Variants in NKX6-3 observed in about 807,000 individuals in gnomAD.
NKX6-3 encodes the protein NK6 homeobox 3, also known as homeobox protein Nkx-6.3.
A neutral mutation model predicts 22.0 loss-of-function variants in NKX6-3; 17 were observed. The ratio of observed to expected loss-of-function variants is 0.77; its 90% confidence interval spans 0.53 to 1.16. The LOEUF (loss-of-function observed/expected upper bound fraction) is 1.16. Ranked by LOEUF, NKX6-3 falls within the 50% of genes most tolerant of loss-of-function variation. NKX6-3 has a pLI of 0.00. For missense variants in NKX6-3, 363 were observed against 359.0 expected, an observed-to-expected ratio of 1.01 and a Z score of -0.09; for synonymous variants, 177 against 167.2, an observed-to-expected ratio of 1.06 and a Z score of -0.45.
chr8:41,647,437 T>G, intron 2 of NKX6-3: 15 of 1,378,858 alleles, frequency 1.1e-5, no homozygotes, highest in African/African-American at 3.6e-5. Flanking sequence ...AGAAACCGGT[T>G]TCCCCGGGTC....
chr8:41,650,626 C>A lies in NKX6-3; in HGVS notation c.-134G>T, dbSNP rs1343879906. 6.4e-6 allele frequency: 6 copies of A among 932,402 alleles called. No individual in the cohort carries two copies. Among genetic ancestry groups the A allele is most frequent in the Non-Finnish European group, 9.4e-6 (6 of 640,018 alleles). The allele number at this position is 932,402 out of a possible 1,614,324, so 57.8% of individuals were successfully genotyped here. A position where few individuals can be genotyped will look rare whatever the true frequency, so the allele number is the denominator to read the frequency against. ...GCTCCTGACTGCCTCCCACCTAAGG[C>A]ATGGGCCAGGCCCTGGCCCAGGAAC... On this transcript the variant is annotated 5_prime_UTR_variant, in exon 1 of 3. It removes an upstream start codon present in the reference 5' UTR. Transcript: ENST00000518699.
In NKX6-3 at chr8:41,645,704, C is replaced by G. The variant is rs938997384; in HGVS notation, c.*745G>C. 1 of 152,330 alleles carries G rather than the reference C, an allele frequency of 6.6e-6. No homozygotes were observed. The highest frequency in any genetic ancestry group is 1.5e-5 in the Non-Finnish European group (1 of 68,160). 9.4% of individuals were successfully genotyped at this position (152,330 alleles called of 1,614,324 possible). The stretch of plus-strand genomic sequence containing the variant: ...GGCTGTCAGGATGAGGAGGGCACAG[C>G]GGTCTCAGAGGTATTGACCCTGAGG... On this transcript the variant is annotated 3_prime_UTR_variant, in exon 3 of 3. Transcript: ENST00000518699.
intron 1 of NKX6-3, among the ~76,000 whole-genome samples, chr8:41,649,571 G>A (rs770919320): frequency 6.6e-6 from 1 of 152,220 alleles, no homozygotes; most frequent in Non-Finnish European, 1.5e-5. Context: ...AGGCTACTTG[G>A]TGTGGCTGCT....
At chr8:41,647,974 T>A (rs1804246145) in intron 2 of NKX6-3, 92 bp downstream of exon 2, 1 of 1,189,598 alleles carries the variant, frequency 8.4e-7, no homozygotes, top group East Asian at 2.6e-5. Flanking sequence ...TCTGGGGGGC[T>A]GCGTTGTGTG....
At chr8:41,648,832 G>A (rs1340061818) in intron 1 of NKX6-3, among the ~76,000 whole-genome samples, 2 of 152,248 alleles carry the variant, frequency 1.3e-5, no homozygotes, top group Admixed American at 6.5e-5. Context: ...CAGCAGGCTC[G>A]GGAAGGAGCT....
intron 1 of NKX6-3, 23 bp from the exon 2 acceptor site, chr8:41,648,258 G>T: frequency 6.6e-7 from 1 of 1,521,734 alleles, no homozygotes. Flanking sequence ...AGGAAGTGTG[G>T]GGTTAGTAGA....
intron 1 of NKX6-3, among the ~76,000 whole-genome samples, chr8:41,648,563 T>C (rs72638939): frequency 0.044 from 6,765 of 152,288 alleles, 219 homozygotes; most frequent in African/African-American, 0.085. Context: ...TCCCTCTCTG[T>C]CCCAGGGATG....
chr8:41,649,718 C>T (rs7825337), intron 1 of NKX6-3, among the ~76,000 whole-genome samples: 83,763 of 152,060 alleles, frequency 0.55, 23,192 homozygotes, highest in African/African-American at 0.58. Context: ...ATTTTCCTCA[C>T]GGGGGTAGCA....
chr8:41,646,721 A>G, intron 2 of NKX6-3, 27 bp from the exon 3 acceptor site: 1 of 1,526,904 alleles, frequency 6.5e-7, no homozygotes, highest in Non-Finnish European at 8.7e-7. Flanking sequence ...TGTGAAGGGC[A>G]CAGGGGCACA....
At position 41,650,775 on chromosome 8, in the gene NKX6-3, C is replaced by T. The variant is rs193175758; in HGVS notation, c.-283G>A. ...GCCCCCTAAGCCTCAGCTCAGACCC[C>T]CTTTCTGCCTCTGAGTCGGGGGACC... is the stretch of plus-strand genomic sequence containing the variant. On this transcript the variant is annotated 5_prime_UTR_variant, in exon 1 of 3. Coordinates refer to ENST00000518699, the MANE Select transcript of NKX6-3 (RefSeq NM_001364841.2). The T allele has an allele frequency of 8.5e-5, 32 of 378,646 alleles. No homozygotes were observed. The highest frequency in any genetic ancestry group is 6.5e-4 in the African/African-American group (31 of 47,456). 23.5% of individuals were successfully genotyped at this position (378,646 alleles called of 1,614,324 possible).
In NKX6-3 at chr8:41,648,279, A is replaced by T. The variant is rs989106267; in HGVS notation, c.383-44T>A. ...TGTGGGGTTAGTAGAATAAGTGGGG[A>T]CCCTGCGGCTAGGCACGTCTGGCAG... On this transcript the variant is annotated intron_variant, in intron 1 of 2. Transcript: ENST00000518699. 4.0e-6 allele frequency: 6 copies of T among 1,485,886 alleles called. No individual in the cohort carries two copies. In the African/African-American group the frequency reaches 8.3e-5, roughly 21 times the overall value. The allele number at this position is 1,485,886 out of a possible 1,614,324, so 92.0% of individuals were successfully genotyped here.
chr8:41,646,300 G>C lies in NKX6-3; in HGVS notation c.*149C>G. ...CCCCCGCCTCCCCTCCTCCTCCCCT[G>C]CACCTGCTGCTCCTCCTCCACGCGC... On this transcript the variant is annotated 3_prime_UTR_variant, in exon 3 of 3. Coordinates refer to ENST00000518699, the MANE Select transcript of NKX6-3 (RefSeq NM_001364841.2). 2.9e-6 allele frequency: 3 copies of C among 1,036,768 alleles called. No homozygotes were observed. The highest frequency in any genetic ancestry group is 3.0e-4 in the Middle Eastern group (1 of 3,314). 64.2% of individuals were successfully genotyped at this position (1,036,768 alleles called of 1,614,324 possible).
Position 41,648,158 on chromosome 8 carries a change from G to T in NKX6-3, c.460C>A (p.Leu154Met). 5 of 1,538,698 alleles carry T rather than the reference G, an allele frequency of 3.2e-6. No individual in the cohort carries two copies. In the East Asian group the frequency reaches 9.8e-5, roughly 30 times the overall value. ...PTFTGHQIFALEKTFEQTKYL... is the reference protein window; with the variant it reads ...PTFTGHQIFAMEKTFEQTKYL... ...TTGGTCTGCTCAAAGGTTTTCTCCA[G>T]GGCAAAGATCTGGTGCCCCGTGAAG... Residue 154 changes from leucine (L) to methionine (M), a missense_variant, in exon 2 of 3, where the codon CTG becomes ATG. By Grantham distance (15) the Leu-to-Met change is conservative. Coordinates refer to ENST00000518699, the MANE Select transcript of NKX6-3 (RefSeq NM_001364841.2).
intron 2 of NKX6-3, chr8:41,647,164 T>G: frequency 3.7e-6 from 6 of 1,610,506 alleles, no homozygotes; most frequent in Non-Finnish European, 5.1e-6. Flanking sequence ...GGTCCATTGC[T>G]TGGGATAGTT....
chr8:41,647,126 T>C, intron 2 of NKX6-3: 3 of 1,524,256 alleles, frequency 2.0e-6, no homozygotes, highest in Non-Finnish European at 2.7e-6. Context: ...AAATAATTGT[T>C]CCCCTAGTTA....
Position 41,646,509 on chromosome 8 carries a change from C to A in NKX6-3, c.738G>T (p.Leu246=). 1 of 1,611,980 alleles carries A rather than the reference C, an allele frequency of 6.2e-7. No homozygotes were observed. Among genetic ancestry groups the A allele is most frequent in the Non-Finnish European group, 8.5e-7 (1 of 1,179,316 alleles). ...AGGCGGCGCGGTGCTTGCGCAGCAGCAGGCGGATCTTCTCGTCGTCCGAGT... is the reference window on the plus strand; with the variant it reads ...AGGCGGCGCGGTGCTTGCGCAGCAGAAGGCGGATCTTCTCGTCGTCCGAGT... ...DPDSDDEKIR[L]LLRKHRAAFS... is the part of the protein sequence containing the mutation. The change falls in exon 3 of 3, where the codon CTG becomes CTT. Residue 246 remains leucine, a synonymous_variant. Transcript: ENST00000518699.
At position 41,650,435 on chromosome 8, in the gene NKX6-3, G is replaced by T. The variant is rs1213376425; in HGVS notation, c.58C>A (p.Pro20Thr). Residue 20 changes from proline (P) to threonine (T), a missense_variant, in exon 1 of 3, where the codon CCG becomes ACG. Around this residue, in one of 3 missense-constraint regions of NKX6-3, gnomAD observed 175 missense variants for 160.9 expected, o/e 1.09. Coordinates refer to ENST00000518699, the MANE Select transcript of NKX6-3 (RefSeq NM_001364841.2). Reference sequence around the variant, plus strand: ...TGGCACACCGGGGCCTTCATCTCCGGAAACTGAGCCAGCGGCGTGTTGTTC... The same window carrying T: ...TGGCACACCGGGGCCTTCATCTCCGTAAACTGAGCCAGCGGCGTGTTGTTC... ...LLNNTPLAQFPEMKAPVCQYS... is the reference protein window; with the variant it reads ...LLNNTPLAQFTEMKAPVCQYS... 7 of 1,535,800 alleles carry T rather than the reference G, an allele frequency of 4.6e-6. No individual in the cohort carries two copies. In the Admixed American group the frequency reaches 1.4e-4, roughly 30 times the overall value.
chr8:41,647,057 T>C, intron 2 of NKX6-3: 1 of 927,758 alleles, frequency 1.1e-6, no homozygotes, highest in Non-Finnish European at 1.7e-6. Context: ...CGGTGCTCAT[T>C]GGAAGGTGCT....
At chr8:41,647,427 A>G in intron 2 of NKX6-3, 1 of 1,437,806 alleles carries the variant, frequency 7.0e-7, no homozygotes, top group African/African-American at 1.7e-5. Context: ...CTAAGGCGGT[A>G]GAAACCGGTT....
Sources: allele counts gnomAD v4.1 joint callset (sites outside exome capture counted in the v4.1 genomes callset), GRCh38; gene constraint gnomAD v4.1.1; regional missense constraint gnomAD v4.1.1; transcripts MANE v1.5; gene names NCBI Gene and HGNC (gene_info 2026-07-23, HGNC 2026-07-21).